The following LRIG3 variants were observed in gnomAD, a reference collection of about 807,000 sequenced individuals.
The protein encoded by LRIG3 is leucine rich repeats and immunoglobulin like domains 3.
Under a neutral mutation model 114.5 loss-of-function variants are expected in LRIG3, and 76 were observed. The ratio of observed to expected loss-of-function variants is 0.66; its 90% CI spans 0.55 to 0.80. LRIG3 has a LOEUF of 0.80. Ranked by LOEUF, LRIG3 falls within the 30% of genes least tolerant of loss-of-function variation. LRIG3 has a pLI of 0.00. For synonymous variants in LRIG3, 512 were observed against 519.8 expected (o/e 0.98, Z 0.20); for missense variants, 1,239 against 1,382.8 (o/e 0.90, Z 1.65).
chr12:58,897,166 C>T (rs565283974), intron 3 of LRIG3, among the ~76,000 whole-genome samples: 10 of 152,262 alleles, frequency 6.6e-5, no homozygotes, highest in Middle Eastern at 6.8e-3. Flanking sequence ...CATGTTTAGA[C>T]TGGTCCATTG....
intron 3 of LRIG3, among the ~76,000 whole-genome samples, chr12:58,896,577 T>G (rs185919402): frequency 6.6e-6 from 1 of 152,210 alleles, no homozygotes; most frequent in Non-Finnish European, 1.5e-5. Context: ...AGCTGTGATG[T>G]GTAAGGACAT....
Position 58,874,275 on chromosome 12 carries a change from T to C in LRIG3, c.2895A>G (p.Ile965Met), listed in dbSNP as rs1870836204. The stretch of plus-strand genomic sequence containing the variant: ...AACATGGGTAGCACTCCTTTTTCTT[T>C]ATGTAACTGGGCTCATAGTGGTCCA... ...VLMDHYEPSY[I>M]KKKECYPCSH... The change falls in exon 18 of 19, where the codon ATA (isoleucine) becomes ATG (methionine). Residue 965 changes from isoleucine (I) to methionine (M), a missense_variant. By Grantham distance (10) the Ile-to-Met change is conservative (BLOSUM62 1). Transcript: ENST00000320743. 1 of 1,614,040 alleles carries C rather than the reference T, an allele frequency of 6.2e-7. No homozygotes were observed. The highest frequency in any genetic ancestry group is 8.5e-7 in the Non-Finnish European group (1 of 1,179,980).
chr12:58,907,401 T>C (rs1872105883), intron 3 of LRIG3, among the ~76,000 whole-genome samples: 1 of 152,170 alleles, frequency 6.6e-6, no homozygotes, highest in Non-Finnish European at 1.5e-5. Context: ...TCCTGAAAAT[T>C]CACCCCCAAT....
chr12:58,915,404 G>A (rs571702785), intron 1 of LRIG3, among the ~76,000 whole-genome samples: 4 of 152,176 alleles, frequency 2.6e-5, no homozygotes, highest in African/African-American at 7.2e-5. Context: ...ATATGCATAA[G>A]TACACCCCTC....
At chr12:58,889,012 G>A in intron 5 of LRIG3, 50 bp from the exon 6 acceptor site, 1 of 1,563,952 alleles carries the variant, frequency 6.4e-7, no homozygotes, top group Non-Finnish European at 8.7e-7. Flanking sequence ...AAATTCTGGA[G>A]GTAGTAATAA....
intron 1 of LRIG3, among the ~76,000 whole-genome samples, chr12:58,919,794 C>T (rs112725853): frequency 0.013 from 2,055 of 152,322 alleles, 43 homozygotes; most frequent in African/African-American, 0.046. Context: ...CAAGAGCCCA[C>T]CTGCGCCGCC....
chr12:58,881,882 T>C (rs1195351468), intron 12 of LRIG3, among the ~76,000 whole-genome samples: 2 of 152,218 alleles, frequency 1.3e-5, no homozygotes, highest in East Asian at 3.8e-4. Flanking sequence ...AAAAAAACGA[T>C]GGATACTATA....
intron 16 of LRIG3, among the ~76,000 whole-genome samples, chr12:58,876,236 C>G (rs186726286): frequency 6.6e-6 from 1 of 152,146 alleles, no homozygotes; most frequent in Admixed American, 6.5e-5. Flanking sequence ...ACCTACTAGT[C>G]TTTTTTTATT....
chr12:58,894,059 T>C (rs1871548943), intron 3 of LRIG3, among the ~76,000 whole-genome samples: 1 of 152,210 alleles, frequency 6.6e-6, no homozygotes, highest in South Asian at 2.1e-4. Flanking sequence ...CTTTGGTTTA[T>C]ATATCCGTTT....
intron 3 of LRIG3, among the ~76,000 whole-genome samples, chr12:58,891,716 A>G (rs926985425): frequency 6.6e-6 from 1 of 152,210 alleles, no homozygotes; most frequent in Non-Finnish European, 1.5e-5. Context: ...TCAATAGTAC[A>G]AAAGTATTAC....
chr12:58,878,190 T>C (rs1281809314), intron 14 of LRIG3, among the ~76,000 whole-genome samples: 1 of 151,972 alleles, frequency 6.6e-6, no homozygotes, highest in Non-Finnish European at 1.5e-5. Flanking sequence ...AGCACAAGGG[T>C]ATGTTGATAA....
rs868326612 is a variant in LRIG3 at position 58,876,300 on chromosome 12, T to C, written c.2695+145A>G. 1.7e-5 allele frequency: 13 copies of C among 763,212 alleles called. No individual in the cohort carries two copies. In the Middle Eastern group the frequency reaches 1.1e-3, roughly 62 times the overall value. The allele number at this position is 763,212 out of a possible 1,614,324, so 47.3% of individuals were successfully genotyped here. ...AGTATTTAAGAGAACGGTATAGAAC[T>C]ATACAATTTCAACCTTGCTAGTGAT... On this transcript the variant is annotated intron_variant, in intron 16 of 18. Coordinates refer to ENST00000320743, the MANE Select transcript of LRIG3 (RefSeq NM_153377.5).
intron 3 of LRIG3, among the ~76,000 whole-genome samples, chr12:58,896,737 A>G (rs1465112352): frequency 6.6e-6 from 1 of 152,188 alleles, no homozygotes; most frequent in Non-Finnish European, 1.5e-5. Flanking sequence ...CCTAAGTCCA[A>G]TTCAGTGATT....
rs1226028501 is a variant in LRIG3, at chr12:58,888,334, A to C, written c.942T>G (p.Ser314Arg). Residue 314 changes from serine to arginine, a missense_variant, in exon 7 of 19, where the codon AGT (serine) becomes AGG (arginine). By Grantham distance (110) the Ser-to-Arg change is moderately radical (BLOSUM62 -1). Coordinates refer to ENST00000320743, the MANE Select transcript of LRIG3 (RefSeq NM_153377.5). ...ATAAATAAAAGGCAACTCACAGCTC[A>C]CTGAGCTTCTGGCAGAACTCCCAGG... ...PDAWEFCQKL[S>R]ELDLTFNHLS... The C allele has an allele frequency of 1.2e-6, 2 of 1,612,882 alleles. No individual in the cohort carries two copies. The highest frequency in any genetic ancestry group is 1.7e-6 in the Non-Finnish European group (2 of 1,179,178).
chr12:58,915,760 G>C (rs745305736), intron 1 of LRIG3, among the ~76,000 whole-genome samples: 26 of 152,194 alleles, frequency 1.7e-4, no homozygotes, highest in Non-Finnish European at 3.4e-4. Flanking sequence ...TTGCAGCCCA[G>C]CTCAAGTCCA....
At chr12:58,912,288 A>T (rs1207681663) in intron 3 of LRIG3, among the ~76,000 whole-genome samples, 1 of 152,180 alleles carries the variant, frequency 6.6e-6, no homozygotes, top group Non-Finnish European at 1.5e-5. Flanking sequence ...CGAGGTCAGG[A>T]GATCGAGACC....
chr12:58,917,043 T>A (rs924267454), intron 1 of LRIG3, among the ~76,000 whole-genome samples: 12 of 152,136 alleles, frequency 7.9e-5, no homozygotes, highest in African/African-American at 2.9e-4. Context: ...TGATCCAAAG[T>A]GACTCATAAA....
chr12:58,901,130 A>G (rs1871833100), intron 3 of LRIG3, among the ~76,000 whole-genome samples: 1 of 152,238 alleles, frequency 6.6e-6, no homozygotes, highest in Non-Finnish European at 1.5e-5. Context: ...GGGATAAGGC[A>G]GTGTTTTGGA....
chr12:58,876,423 C>T (rs1212636973), intron 16 of LRIG3, 22 bp downstream of exon 16: 2 of 1,610,390 alleles, frequency 1.2e-6, no homozygotes, highest in African/African-American at 1.3e-5. Context: ...AATTACAGCC[C>T]ACATTCATTT....
Sources: allele counts gnomAD v4.1 joint callset (sites outside exome capture counted in the v4.1 genomes callset), GRCh38; gene constraint gnomAD v4.1.1; transcripts MANE v1.5; gene names NCBI Gene and HGNC (gene_info 2026-07-23, HGNC 2026-07-21).